SLIT3: variants seen among roughly 807,000 people sequenced by gnomAD.
SLIT3 encodes the protein slit homolog 3 protein.
Under a neutral mutation model 184.0 loss-of-function variants are expected in SLIT3, and 68 were observed. The ratio of observed to expected loss-of-function variants is 0.37; its 90% CI spans 0.30 to 0.45. The LOEUF (loss-of-function observed/expected upper bound fraction) is 0.45, where lower values mean the gene tolerates loss of function less well. Ranked by LOEUF, SLIT3 falls within the 20% of genes least tolerant of loss-of-function variation. The pLI is 1.00. For missense variants in SLIT3, 1,707 were observed against 2,026.0 expected, an observed-to-expected ratio of 0.84 and a Z score of 3.02; for synonymous variants, 831 against 828.6, an observed-to-expected ratio of 1.00 and a Z score of -0.05.
intron 5 of SLIT3, among the ~76,000 whole-genome samples, chr5:168,851,014 C>T (rs1477763376): frequency 6.6e-6 from 1 of 152,176 alleles, no homozygotes; most frequent in Non-Finnish European, 1.5e-5. Context: ...GGGAAGATCC[C>T]TGCAAACCAC....
intron 3 of SLIT3, among the ~76,000 whole-genome samples, chr5:169,221,215 C>A (rs958944423): frequency 2.0e-5 from 3 of 152,196 alleles, no homozygotes; most frequent in African/African-American, 7.2e-5. Flanking sequence ...AGTGCAAGAG[C>A]AAATCTACTT....
intron 4 of SLIT3, among the ~76,000 whole-genome samples, chr5:169,161,926 CTA>C (rs1317293935): frequency 6.6e-6 from 1 of 152,156 alleles, no homozygotes; most frequent in African/African-American, 2.4e-5. Context: ...AACAGAGGGA[CTA>C]CTACCTAGCC....
In SLIT3 at chr5:168,761,080, C is replaced by T. The variant is rs1581050953; in HGVS notation, c.1611-144G>A. 3 of 659,024 alleles carry T rather than the reference C, an allele frequency of 4.6e-6. No homozygotes were observed. The African/African-American group carries it at 5.4e-5, about 12-fold the overall frequency. 40.8% of individuals were successfully genotyped at this position (659,024 alleles called of 1,614,324 possible). Reference sequence around the variant, plus strand: ...TCGGAAGCTTTGACATCAGTCCCATCAACAGAGGGGCCCAGCAGTTTGGGG... The same window carrying T: ...TCGGAAGCTTTGACATCAGTCCCATTAACAGAGGGGCCCAGCAGTTTGGGG... On this transcript the variant is annotated intron_variant, in intron 15 of 35. Transcript: ENST00000519560.
intron 3 of SLIT3, among the ~76,000 whole-genome samples, chr5:169,234,746 T>C (rs918332816): frequency 1.3e-5 from 2 of 152,178 alleles, no homozygotes; most frequent in African/African-American, 4.8e-5. Flanking sequence ...AAAGTGTCCA[T>C]GGGCACCATG....
chr5:168,838,335 G>A (rs1347356800), intron 6 of SLIT3, among the ~76,000 whole-genome samples: 2 of 152,076 alleles, frequency 1.3e-5, no homozygotes, highest in Non-Finnish European at 2.9e-5. Flanking sequence ...GCCTCATAAA[G>A]TTGTGGTGAA....
rs570431402 is a variant in SLIT3, at chr5:168,815,181, T to C, written c.793+2119A>G. On this transcript the variant is annotated intron_variant, in intron 8 of 35. Transcript: ENST00000519560. Reference sequence around the variant, plus strand: ...TGCTATAAACAGAAGTTGATAAAGGTGCTCCCACGTAACTACGAACCTGTC... The same window carrying C: ...TGCTATAAACAGAAGTTGATAAAGGCGCTCCCACGTAACTACGAACCTGTC... Among the ~76,000 whole-genome samples, 3 of 152,362 alleles carry C rather than the reference T, an allele frequency of 2.0e-5. No individual in the cohort carries two copies. The South Asian group carries it at 6.2e-4, about 32-fold the overall frequency.
In SLIT3 at chr5:168,737,639, T is replaced by G. The variant is rs188271583; in HGVS notation, c.2270+10663A>C. 1.4e-4 allele frequency among the ~76,000 whole-genome samples: 21 copies of G among 152,338 alleles called. 1 individual carries two copies. The highest frequency in any genetic ancestry group is 1.0e-3 in the Admixed American group (16 of 15,304). ...GACAACAAATCCATGCTCATTGTCC[T>G]TAGACCAAAAATATATGTCTAAACA... On this transcript the variant is annotated intron_variant, in intron 20 of 35. Transcript: ENST00000519560.
At position 168,856,952 on chromosome 5, in the gene SLIT3, G is replaced by A. The variant is rs1455700612; in HGVS notation, c.486-12297C>T. Among the ~76,000 whole-genome samples the A allele has an allele frequency of 2.0e-5, 3 of 152,194 alleles. 1 individual carries two copies. The highest frequency in any genetic ancestry group is 4.2e-4 in the South Asian group (2 of 4,806). ...GAGGCCTCTGGTCTGGGTGGGCTAC[G>A]GACGTGCGACGGCTCCTGGGGAAGG... is the stretch of plus-strand genomic sequence containing the variant. On this transcript the variant is annotated intron_variant, in intron 5 of 35. Transcript: ENST00000519560.
At chr5:168,914,528 C>T (rs1761371406) in intron 4 of SLIT3, among the ~76,000 whole-genome samples, 1 of 152,198 alleles carries the variant, frequency 6.6e-6, no homozygotes, top group Admixed American at 6.5e-5. Flanking sequence ...GGGAACATCT[C>T]TTGGTAACTG....
intron 20 of SLIT3, among the ~76,000 whole-genome samples, chr5:168,739,896 A>G (rs1292963101): frequency 2.0e-5 from 3 of 152,226 alleles, no homozygotes; most frequent in African/African-American, 7.2e-5. Flanking sequence ...AAAATATAAA[A>G]CAATGAAACT....
intron 4 of SLIT3, among the ~76,000 whole-genome samples, chr5:169,136,536 A>G (rs1761506627): frequency 6.6e-6 from 1 of 152,220 alleles, no homozygotes; most frequent in African/African-American, 2.4e-5. Flanking sequence ...AATGGCAGGA[A>G]ACAATAGTCC....
chr5:168,806,989 C>CTCT (rs925694545), intron 8 of SLIT3, among the ~76,000 whole-genome samples: 31 of 152,174 alleles, frequency 2.0e-4, no homozygotes, highest in Non-Finnish European at 3.8e-4. Context: ...TTAGACCTTT[C>CTCT]TCTAGTGGCT....
At chr5:168,995,798 A>G (rs1221995498) in intron 4 of SLIT3, 1 of 152,314 alleles carries the variant, frequency 6.6e-6, no homozygotes, top group Non-Finnish European at 1.5e-5. Context: ...CTGGGACCCC[A>G]ACCCTGCACA....
chr5:168,807,106 CA>C (rs1756995596), intron 8 of SLIT3, among the ~76,000 whole-genome samples: 2 of 152,182 alleles, frequency 1.3e-5, no homozygotes, highest in Admixed American at 1.3e-4. Context: ...AAGGCATTTC[CA>C]AATGGCTTCT....
At chr5:168,753,767 G>A (rs1754797993) in intron 17 of SLIT3, 97 bp downstream of exon 17, 2 of 1,408,972 alleles carry the variant, frequency 1.4e-6, no homozygotes, top group African/African-American at 1.4e-5. Context: ...GGCCAAGACA[G>A]TGCCTGGGTC....
intron 4 of SLIT3, among the ~76,000 whole-genome samples, chr5:168,936,520 A>G (rs866964325): frequency 1.3e-5 from 2 of 152,180 alleles, no homozygotes; most frequent in Non-Finnish European, 2.9e-5. Flanking sequence ...GGCGTGAGCC[A>G]CCGCGCCTGG....
chr5:168,762,789 T>G, intron 14 of SLIT3, 100 bp from the exon 15 acceptor site: 2 of 1,200,248 alleles, frequency 1.7e-6, no homozygotes, highest in Non-Finnish European at 2.4e-6. Context: ...GGGGAATGAG[T>G]TGGGGGCTGT....
intron 33 of SLIT3, among the ~76,000 whole-genome samples, chr5:168,672,548 T>G (rs1355053673): frequency 6.6e-6 from 1 of 152,154 alleles, no homozygotes; most frequent in Admixed American, 6.5e-5. Context: ...CAATCATGGC[T>G]CACTGCAGCC....
chr5:168,891,503 G>A (rs1760459740), intron 4 of SLIT3, among the ~76,000 whole-genome samples: 1 of 152,168 alleles, frequency 6.6e-6, no homozygotes, highest in African/African-American at 2.4e-5. Flanking sequence ...AGGCCTCACA[G>A]ACCAGGGATT....
Sources: allele counts gnomAD v4.1 joint callset (sites outside exome capture counted in the v4.1 genomes callset), GRCh38; gene constraint gnomAD v4.1.1; transcripts MANE v1.5; gene names NCBI Gene and HGNC (gene_info 2026-07-23, HGNC 2026-07-21).